The following ATP8A1 variants were observed in gnomAD, a reference collection of about 807,000 sequenced individuals.
ATP8A1 encodes the protein phospholipid-transporting ATPase IA.
Under a neutral mutation model 177.7 loss-of-function variants are expected in ATP8A1, and 90 were observed. The ratio of observed to expected loss-of-function variants is 0.51; its 90% CI spans 0.43 to 0.60. The LOEUF (loss-of-function observed/expected upper bound fraction) is 0.60. Ranked by LOEUF, ATP8A1 falls within the 20% of genes least tolerant of loss-of-function variation. ATP8A1 has a pLI of 0.00. For synonymous variants in ATP8A1, 493 were observed against 485.9 expected, an observed-to-expected ratio of 1.01 and a Z score of -0.19; for missense variants, 1,072 against 1,392.8, an observed-to-expected ratio of 0.77 and a Z score of 3.67.
In ATP8A1 at chr4:42,656,815, G is replaced by T; in HGVS notation, c.49+10C>A. ...CCCCGGGCTAGCCCCGAGCCTCGGCGGCCCCTTACCTTCGGCGCGCGAGCG... is the reference window on the plus strand; with the variant it reads ...CCCCGGGCTAGCCCCGAGCCTCGGCTGCCCCTTACCTTCGGCGCGCGAGCG... On this transcript the variant is annotated intron_variant, in intron 1 of 36. Transcript: ENST00000381668. The T allele has an allele frequency of 6.4e-6, 10 of 1,565,320 alleles. No individual in the cohort carries two copies. The highest frequency in any genetic ancestry group is 7.8e-6 in the Non-Finnish European group (9 of 1,154,838).
chr4:42,488,509 C>T (rs549292568), intron 24 of ATP8A1, among the ~76,000 whole-genome samples: 2 of 152,292 alleles, frequency 1.3e-5, no homozygotes, highest in African/African-American at 4.8e-5. Context: ...TCATCTGTCT[C>T]TCATCTTGTC....
chr4:42,656,712 G>T, intron 1 of ATP8A1, 113 bp downstream of exon 1: 2 of 1,279,004 alleles, frequency 1.6e-6, no homozygotes, highest in Non-Finnish European at 2.1e-6. Context: ...GCGACAGTCG[G>T]ACTGCCGCCG....
intron 1 of ATP8A1, among the ~76,000 whole-genome samples, chr4:42,638,355 T>C (rs1739597977): frequency 6.6e-6 from 1 of 152,230 alleles, no homozygotes; most frequent in Non-Finnish European, 1.5e-5. Flanking sequence ...GAACTCACGC[T>C]AAATTGCGAC....
In ATP8A1 at chr4:42,537,132, CA is replaced by C. The variant is rs201979731; in HGVS notation, c.1722+6784del. 1.1e-3 allele frequency among the ~76,000 whole-genome samples: 111 copies of C among 99,294 alleles called. 1 individual carries two copies. The highest frequency in any genetic ancestry group is 4.8e-3 in the African/African-American group (94 of 19,784). 65.1% of individuals were successfully genotyped at this position (99,294 alleles called of 152,430 possible). On this transcript the variant is annotated intron_variant, in intron 20 of 36. Coordinates refer to ENST00000381668, the MANE Select transcript of ATP8A1 (RefSeq NM_006095.2). ...GGGCAAAAAGAGCGAAACTCCGTCT[CA>C]AAAAAAAAAAAAACAAAAAAACCAA...
At chr4:42,517,438 A>G (rs1293795549) in intron 22 of ATP8A1, among the ~76,000 whole-genome samples, 1 of 152,208 alleles carries the variant, frequency 6.6e-6, no homozygotes, top group East Asian at 1.9e-4. Context: ...TTTGTTGTCT[A>G]AAGAATGAGA....
chr4:42,503,381 T>G, intron 24 of ATP8A1, 69 bp downstream of exon 24: 1 of 915,448 alleles, frequency 1.1e-6, no homozygotes, highest in South Asian at 1.6e-5. Context: ...TCCATAGCTA[T>G]CTGAATATAA....
Position 42,465,092 on chromosome 4 carries a change from A to G in ATP8A1, c.2325-16T>C, listed in dbSNP as rs1339421773. 2 of 1,600,194 alleles carry G rather than the reference A, an allele frequency of 1.2e-6. No individual in the cohort carries two copies. Among genetic ancestry groups the G allele is most frequent in the Non-Finnish European group, 1.7e-6 (2 of 1,170,278 alleles). On this transcript the variant is annotated splice_polypyrimidine_tract_variant and intron_variant, in intron 25 of 36. Coordinates refer to ENST00000381668, the MANE Select transcript of ATP8A1 (RefSeq NM_006095.2). ...AGGAGAAACCCTGAAATTGAAACAC[A>G]TTATCAATTACTGTTTTCTGAAAAA...
intron 2 of ATP8A1, chr4:42,626,191 T>A (rs2109490184): frequency 6.6e-6 from 1 of 152,586 alleles, no homozygotes; most frequent in East Asian, 1.9e-4. Context: ...TCACTGCCAC[T>A]CCAGGAACAT....
chr4:42,550,943 G>C (rs145020436), intron 18 of ATP8A1, among the ~76,000 whole-genome samples: 2 of 152,252 alleles, frequency 1.3e-5, no homozygotes, highest in East Asian at 1.9e-4. Flanking sequence ...GGTGATTCAA[G>C]AGATACACCC....
intron 35 of ATP8A1, among the ~76,000 whole-genome samples, 154 bp downstream of exon 35, chr4:42,422,653 A>G (rs1363707417): frequency 1.3e-5 from 2 of 152,218 alleles, no homozygotes; most frequent in African/African-American, 4.8e-5. Flanking sequence ...AGAAAGCGAC[A>G]GATTTAAATC....
intron 14 of ATP8A1, among the ~76,000 whole-genome samples, chr4:42,570,102 T>G (rs1030802930): frequency 2.0e-5 from 3 of 152,312 alleles, no homozygotes; most frequent in Admixed American, 6.5e-5. Context: ...TGGGATCCTT[T>G]CACTTCCTAA....
At chr4:42,425,560 A>AAG (rs1412287772) in intron 33 of ATP8A1, among the ~76,000 whole-genome samples, 1 of 152,098 alleles carries the variant, frequency 6.6e-6, no homozygotes, top group South Asian at 2.1e-4. Flanking sequence ...TTTTTGGATG[A>AAG]AGAGGGGGGG....
chr4:42,545,442 T>C (rs1011995047), intron 19 of ATP8A1, among the ~76,000 whole-genome samples: 1 of 152,112 alleles, frequency 6.6e-6, no homozygotes, highest in Non-Finnish European at 1.5e-5. Flanking sequence ...TTGTGTTACA[T>C]CAAAGTAGGT....
At position 42,410,869 on chromosome 4, in the gene ATP8A1, A is replaced by C. The variant is rs1441593736; in HGVS notation, c.*2047T>G. ...TGCCACTGATGAAGTGAGCGCAAAC[A>C]GAAGCAGCTCTTCTCTATTAACAGA... On this transcript the variant is annotated 3_prime_UTR_variant, in exon 37 of 37. Transcript: ENST00000381668. 1 of 152,238 alleles carries C rather than the reference A, an allele frequency of 6.6e-6. No homozygotes were observed. Among genetic ancestry groups the C allele is most frequent in the Non-Finnish European group, 1.5e-5 (1 of 68,032 alleles). 9.4% of individuals were successfully genotyped at this position (152,238 alleles called of 1,614,324 possible). A position where few individuals can be genotyped will look rare whatever the true frequency, so the allele number is the denominator to read the frequency against.
At chr4:42,634,522 A>G (rs1365030591) in intron 1 of ATP8A1, among the ~76,000 whole-genome samples, 1 of 152,174 alleles carries the variant, frequency 6.6e-6, no homozygotes, top group Non-Finnish European at 1.5e-5. Context: ...TCATTATTAC[A>G]TGGTAATCAA....
At chr4:42,548,927 C>G in intron 19 of ATP8A1, 86 bp downstream of exon 19, 1 of 1,069,546 alleles carries the variant, frequency 9.3e-7, no homozygotes, top group Non-Finnish European at 1.4e-6. Flanking sequence ...AAAAACAAAA[C>G]ATACTTTCTA....
At chr4:42,629,462 C>G (rs1310212529) in intron 1 of ATP8A1, among the ~76,000 whole-genome samples, 1 of 152,118 alleles carries the variant, frequency 6.6e-6, no homozygotes. Context: ...AGGTGTGATA[C>G]TGAGGAAGGG....
chr4:42,451,221 C>T (rs998867731), intron 30 of ATP8A1, among the ~76,000 whole-genome samples: 3 of 152,122 alleles, frequency 2.0e-5, no homozygotes, highest in African/African-American at 7.2e-5. Context: ...CTGTTGGCAA[C>T]CATTAATTGA....
chr4:42,638,788 A>G (rs1739641347), intron 1 of ATP8A1, among the ~76,000 whole-genome samples: 1 of 152,116 alleles, frequency 6.6e-6, no homozygotes, highest in Non-Finnish European at 1.5e-5. Context: ...GGTTGCAACC[A>G]CCAGACATCT....
Sources: gnomAD v4.1 joint callset for allele counts (sites outside exome capture counted in the v4.1 genomes callset) on GRCh38, gnomAD v4.1.1 for gene constraint, MANE v1.5 for transcripts, NCBI Gene and HGNC (gene_info 2026-07-23, HGNC 2026-07-21) for gene names.